BORCS5: variants seen among roughly 807,000 people sequenced by gnomAD.
BORCS5 encodes the protein BLOC-1 related complex subunit 5, also known as BLOC-1-related complex subunit 5.
BORCS5 carries 17 observed loss-of-function variants against 22.1 expected under a neutral mutation model. That is an observed-to-expected ratio of 0.77 (90% CI 0.53 to 1.15). BORCS5 has a LOEUF of 1.15. Among genes scored for constraint, BORCS5 ranks in the 50% most tolerant of loss-of-function variants. The pLI, the probability that BORCS5 is intolerant of heterozygous loss-of-function variation, is 0.00. For synonymous variants in BORCS5, 117 were observed against 99.8 expected, an observed-to-expected ratio of 1.17 and a Z score of -1.03; for missense variants, 247 against 253.2, an observed-to-expected ratio of 0.98 and a Z score of 0.17.
At chr12:12,460,726 A>G (rs1415383960) in intron 3 of BORCS5, among the ~76,000 whole-genome samples, 1 of 152,218 alleles carries the variant, frequency 6.6e-6, no homozygotes, top group Non-Finnish European at 1.5e-5. Flanking sequence ...TTTTTCTTAT[A>G]TCCATTGAGA....
intron 2 of BORCS5, among the ~76,000 whole-genome samples, chr12:12,412,975 G>T (rs367662019): frequency 9.3e-6 from 1 of 107,802 alleles, no homozygotes; most frequent in Non-Finnish European, 1.9e-5. Flanking sequence ...GCAGGGTCAT[G>T]GGACAATAGT....
intron 3 of BORCS5, among the ~76,000 whole-genome samples, chr12:12,438,382 G>GAAAAAAAAAAAAAAAAAAAAAA (rs1565915767): frequency 2.1e-4 from 22 of 106,976 alleles, no homozygotes; most frequent in African/African-American, 1.0e-3. Flanking sequence ...AAAAAAAAAC[G>GAAAAAAAAAAAAAAAAAAAAAA]AAAAACAACA....
At chr12:12,434,281 CA>C (rs139357200) in intron 2 of BORCS5, among the ~76,000 whole-genome samples, 1,708 of 76,330 alleles carry the variant, frequency 0.022, 22 homozygotes, top group African/African-American at 0.069. Context: ...GACTCTGTCT[CA>C]AAAAAAAAAA....
chr12:12,358,674 G>T (rs1035219545), intron 1 of BORCS5, among the ~76,000 whole-genome samples: 1 of 152,058 alleles, frequency 6.6e-6, no homozygotes, highest in African/African-American at 2.4e-5. Context: ...CCCTGTGCCC[G>T]GTACTTTACA....
chr12:12,450,767 C>A (rs1334390504), intron 3 of BORCS5, among the ~76,000 whole-genome samples: 2 of 152,134 alleles, frequency 1.3e-5, no homozygotes, highest in African/African-American at 4.8e-5. Context: ...CCCTGGGCAC[C>A]TTTTCTCATC....
intron 2 of BORCS5, among the ~76,000 whole-genome samples, chr12:12,408,541 A>G (rs1018812905): frequency 1.3e-5 from 2 of 152,298 alleles, no homozygotes; most frequent in East Asian, 1.9e-4. Context: ...TATATCCGTT[A>G]AACAGCAACT....
At chr12:12,415,554 A>AGAGAGG (rs1941917777) in intron 2 of BORCS5, among the ~76,000 whole-genome samples, 1 of 3,644 alleles carries the variant, frequency 2.7e-4, no homozygotes, top group Non-Finnish European at 5.1e-4. Context: ...GAGACCGTGG[A>AGAGAGG]GAGAGGGGGA....
intron 2 of BORCS5, among the ~76,000 whole-genome samples, chr12:12,390,043 C>T (rs1592077741): frequency 6.6e-6 from 1 of 152,190 alleles, no homozygotes; most frequent in South Asian, 2.1e-4. Flanking sequence ...TAAACTTTGC[C>T]CATGCCCTTC....
intron 3 of BORCS5, among the ~76,000 whole-genome samples, chr12:12,439,382 C>T (rs946623440): frequency 1.3e-5 from 2 of 152,122 alleles, no homozygotes; most frequent in African/African-American, 4.8e-5. Flanking sequence ...AATCCCAGCA[C>T]TTTCGGAGGC....
In BORCS5 at chr12:12,388,289, A is replaced by T. The variant is rs376861009; in HGVS notation, c.202+26940A>T. On this transcript the variant is annotated intron_variant, in intron 2 of 3. Coordinates refer to ENST00000314565, the MANE Select transcript of BORCS5 (RefSeq NM_058169.6). Reference sequence around the variant, plus strand: ...CATCCTAAGACCACACTTCCCAAACATATGGTAGCAGTGACCAGAGACATA... The same window carrying T: ...CATCCTAAGACCACACTTCCCAAACTTATGGTAGCAGTGACCAGAGACATA... 2.6e-5 allele frequency among the ~76,000 whole-genome samples: 4 copies of T among 151,416 alleles called. No individual in the cohort carries two copies. In the East Asian group the frequency reaches 7.7e-4, roughly 29 times the overall value.
intron 2 of BORCS5, among the ~76,000 whole-genome samples, chr12:12,431,111 C>T (rs549395591): frequency 6.6e-6 from 1 of 152,300 alleles, no homozygotes; most frequent in African/African-American, 2.4e-5. Flanking sequence ...GCATCAGAGG[C>T]TATGCATTTG....
intron 3 of BORCS5, among the ~76,000 whole-genome samples, chr12:12,453,855 C>G (rs556934543): frequency 6.6e-5 from 10 of 152,240 alleles, no homozygotes; most frequent in Admixed American, 4.6e-4. Context: ...TTCCCCTATC[C>G]CCTGGCAACT....
At position 12,378,688 on chromosome 12, in the gene BORCS5, C is replaced by T. The variant is rs115171305; in HGVS notation, c.202+17339C>T. On this transcript the variant is annotated intron_variant, in intron 2 of 3. Transcript: ENST00000314565. ...AAAGGATGTTAGTGGGAAAAAAGGG[C>T]ACATTTGAATAGTTGTGTAGTTTAG... Among the ~76,000 whole-genome samples the T allele has an allele frequency of 7.4e-3, 1,123 of 151,308 alleles. 44 individuals are homozygous for T. Among genetic ancestry groups the T allele is most frequent in the African/African-American group, 0.027 (1,097 of 41,232 alleles).
intron 2 of BORCS5, among the ~76,000 whole-genome samples, chr12:12,390,171 G>A (rs989083881): frequency 6.6e-6 from 1 of 151,622 alleles, no homozygotes; most frequent in Non-Finnish European, 1.5e-5. Context: ...TTGTTCATTT[G>A]TTCAGCAAAT....
At chr12:12,448,497 G>A (rs961552264) in intron 3 of BORCS5, among the ~76,000 whole-genome samples, 2 of 151,170 alleles carry the variant, frequency 1.3e-5, no homozygotes, top group Non-Finnish European at 2.9e-5. Flanking sequence ...TTACAGGCGT[G>A]AGTCACCGTG....
intron 3 of BORCS5, among the ~76,000 whole-genome samples, chr12:12,448,251 T>C (rs1423056354): frequency 6.6e-6 from 1 of 152,218 alleles, no homozygotes; most frequent in East Asian, 1.9e-4. Context: ...TTTTGCTCTT[T>C]GTGGCCCAGG....
intron 2 of BORCS5, among the ~76,000 whole-genome samples, chr12:12,423,541 G>GT (rs112694101): frequency 5.5e-5 from 8 of 145,994 alleles, no homozygotes; most frequent in East Asian, 2.0e-4. Flanking sequence ...TGGTTGACAG[G>GT]TTTTTTGTTT....
chr12:12,421,884 G>A (rs181503852), intron 2 of BORCS5, among the ~76,000 whole-genome samples: 1 of 152,256 alleles, frequency 6.6e-6, no homozygotes, highest in East Asian at 1.9e-4. Context: ...ATTTCTGTGG[G>A]ATCGGTGATG....
chr12:12,392,045 C>CAAA (rs61408318), intron 2 of BORCS5, among the ~76,000 whole-genome samples: 11,502 of 66,382 alleles, frequency 0.17, 1,260 homozygotes, highest in Non-Finnish European at 0.25. Flanking sequence ...GACTTCATTT[C>CAAA]AAAAAAAAAA....
Sources: allele counts gnomAD v4.1 joint callset (sites outside exome capture counted in the v4.1 genomes callset), GRCh38; gene constraint gnomAD v4.1.1; transcripts MANE v1.5; gene names NCBI Gene and HGNC (gene_info 2026-07-23, HGNC 2026-07-21).